Variants in PDCL2 observed in about 807,000 individuals in gnomAD.
The protein encoded by PDCL2 is phosducin like 2.
A neutral mutation model predicts 30.3 loss-of-function variants in PDCL2; 23 were observed. The observed-to-expected ratio is 0.76, with a 90% CI of 0.55 to 1.08. The LOEUF (loss-of-function observed/expected upper bound fraction) is 1.08, where lower values mean the gene tolerates loss of function less well. PDCL2 is among the 50% of genes least tolerant of loss of function. The probability of loss-of-function intolerance (pLI) is 0.00; values close to 1 mark genes in which losing one functional copy is unlikely to be tolerated. For synonymous variants in PDCL2, 68 were observed against 86.2 expected (o/e 0.79, Z 1.17); for missense variants, 243 against 282.3 (o/e 0.86, Z 1.00).
intron 3 of PDCL2, among the ~76,000 whole-genome samples, chr4:55,574,412 T>C (rs1341052031): frequency 6.6e-6 from 1 of 152,172 alleles, no homozygotes; most frequent in African/African-American, 2.4e-5. Flanking sequence ...GAAAGTGATA[T>C]ATACATTTCA....
intron 4 of PDCL2, among the ~76,000 whole-genome samples, chr4:55,568,635 CAT>C (rs1732330974): frequency 1.3e-5 from 2 of 152,022 alleles, no homozygotes; most frequent in African/African-American, 4.8e-5. Context: ...TGAAGGGATT[CAT>C]AGTATACCAC....
chr4:55,577,294 A>G (rs12510400), intron 3 of PDCL2, among the ~76,000 whole-genome samples: 45,816 of 152,072 alleles, frequency 0.3, 7,524 homozygotes, highest in East Asian at 0.58. Context: ...ATGCCATCAC[A>G]TTGGGAGGGG....
chr4:55,556,547 A>T lies in PDCL2; in HGVS notation c.*10T>A. 1 of 1,516,360 alleles carries T rather than the reference A, an allele frequency of 6.6e-7. No individual in the cohort carries two copies. Among genetic ancestry groups the T allele is most frequent in the Non-Finnish European group, 8.9e-7 (1 of 1,123,506 alleles). 93.9% of individuals were successfully genotyped at this position (1,516,360 alleles called of 1,614,324 possible). A position where few individuals can be genotyped will look rare whatever the true frequency, so the allele number is the denominator to read the frequency against. On this transcript the variant is annotated 3_prime_UTR_variant, in exon 6 of 6. Coordinates refer to ENST00000295645, the MANE Select transcript of PDCL2 (RefSeq NM_152401.3). ...ACATATACTAAAAGCTATTTATTGA[A>T]TATTTCTCTCTATTTGGTATCATTA...
At chr4:55,590,521 C>T (rs1316294259) in intron 1 of PDCL2, among the ~76,000 whole-genome samples, 3 of 151,074 alleles carry the variant, frequency 2.0e-5, no homozygotes, top group African/African-American at 7.3e-5. Context: ...GAATCTTGCT[C>T]TGTCACCCAG....
intron 5 of PDCL2, among the ~76,000 whole-genome samples, chr4:55,560,215 A>C (rs1179717647): frequency 1.3e-5 from 2 of 151,868 alleles, no homozygotes; most frequent in Non-Finnish European, 2.9e-5. Flanking sequence ...ATACACACTA[A>C]ATTCGTGATA....
chr4:55,556,669 T>A lies in PDCL2; in HGVS notation c.614A>T (p.Asp205Val). Residue 205 changes from aspartate (D) to valine (V), a missense_variant, in exon 6 of 6, where the codon GAT becomes GTT. Asp to Val is a radical substitution (Grantham distance 152). Coordinates refer to ENST00000295645, the MANE Select transcript of PDCL2 (RefSeq NM_152401.3). Reference protein sequence around the residue: ...KLAEVGAIQTDLEENPRKDMV... With the variant: ...KLAEVGAIQTVLEENPRKDMV... ...GTCTTTTCTGGGGTTTTCTTCCAAA[T>A]CAGTCTGTATTGCTCCAACTTCTGC... The A allele has an allele frequency of 6.4e-7, 1 of 1,569,580 alleles. No individual in the cohort carries two copies. Among genetic ancestry groups the A allele is most frequent in the South Asian group, 1.2e-5 (1 of 85,420 alleles).
intron 1 of PDCL2, among the ~76,000 whole-genome samples, chr4:55,584,413 C>T (rs752039658): frequency 1.1e-4 from 16 of 151,974 alleles, no homozygotes; most frequent in East Asian, 1.9e-4. Flanking sequence ...CCTACCACCT[C>T]GCCCGGCTAA....
chr4:55,580,775 A>G (rs559149556), intron 3 of PDCL2, 46 bp downstream of exon 3: 5 of 1,355,366 alleles, frequency 3.7e-6, no homozygotes, highest in Middle Eastern at 1.9e-4. Flanking sequence ...TATTCTTATT[A>G]TACTTCATTC....
chr4:55,567,159 A>G (rs1201267907), intron 4 of PDCL2, among the ~76,000 whole-genome samples: 1 of 152,224 alleles, frequency 6.6e-6, no homozygotes, highest in Non-Finnish European at 1.5e-5. Flanking sequence ...TATAGGTAAT[A>G]TGGAAGTGTG....
intron 3 of PDCL2, among the ~76,000 whole-genome samples, chr4:55,570,350 TCA>T (rs1357919273): frequency 2.0e-5 from 3 of 152,204 alleles, no homozygotes; most frequent in African/African-American, 7.2e-5. Context: ...AAGATGATCT[TCA>T]CTTCGAAGAC....
At chr4:55,578,450 G>C (rs765103072) in intron 3 of PDCL2, among the ~76,000 whole-genome samples, 76 of 152,234 alleles carry the variant, frequency 5.0e-4, no homozygotes, top group Non-Finnish European at 1.0e-3. Context: ...GTTTTCACTT[G>C]GAAACTACAA....
At chr4:55,558,935 CTT>C (rs1270260698) in intron 5 of PDCL2, among the ~76,000 whole-genome samples, 2 of 152,062 alleles carry the variant, frequency 1.3e-5, no homozygotes, top group African/African-American at 4.8e-5. Flanking sequence ...CACACGCACT[CTT>C]ATAAATCAAT....
chr4:55,592,177 CCG>C lies in PDCL2; in HGVS notation c.-70_-69del, dbSNP rs1733022545. The C allele has an allele frequency of 5.0e-6, 8 of 1,586,682 alleles. No homozygotes were observed. The highest frequency in any genetic ancestry group is 6.9e-6 in the Non-Finnish European group (8 of 1,166,958). On this transcript the variant is annotated 5_prime_UTR_variant, in exon 1 of 6. Transcript: ENST00000295645. ...CTGGCGAGGCGCCACGGATGGAGAC[CCG>C]CAGCCTTCTCCAGGCTGGAAGAGCG...
chr4:55,561,673 A>C (rs1732140524), intron 5 of PDCL2, among the ~76,000 whole-genome samples: 1 of 152,216 alleles, frequency 6.6e-6, no homozygotes, highest in South Asian at 2.1e-4. Context: ...AATCGAGTTA[A>C]AGCAGTGCCA....
At chr4:55,562,044 A>T (rs1038865487) in intron 5 of PDCL2, among the ~76,000 whole-genome samples, 1 of 138,052 alleles carries the variant, frequency 7.2e-6, no homozygotes, top group East Asian at 2.2e-4. Flanking sequence ...ACAAGCAGAG[A>T]ATGTGTAAAA....
intron 1 of PDCL2, 57 bp from the exon 2 acceptor site, chr4:55,582,294 T>C: frequency 6.7e-7 from 1 of 1,490,528 alleles, no homozygotes; most frequent in Middle Eastern, 1.8e-4. Context: ...AATATGTATT[T>C]GGAAAATTCA....
Position 55,583,359 on chromosome 4 carries a change from T to C in PDCL2, c.7-1122A>G, listed in dbSNP as rs1732776868. Among the ~76,000 whole-genome samples the C allele has an allele frequency of 2.0e-5, 3 of 152,386 alleles. No individual in the cohort carries two copies. The South Asian group carries it at 6.2e-4, about 32-fold the overall frequency. On this transcript the variant is annotated intron_variant, in intron 1 of 5. Coordinates refer to ENST00000295645, the MANE Select transcript of PDCL2 (RefSeq NM_152401.3). ...TGCTTGTAAATAGTTTTTCCCAATA[T>C]ATAGATTGTCTCTTCACTTTGTTAA...
chr4:55,564,001 C>G (rs1240897023), intron 4 of PDCL2, among the ~76,000 whole-genome samples: 4 of 152,242 alleles, frequency 2.6e-5, no homozygotes, highest in Non-Finnish European at 5.9e-5. Context: ...ATTTTCTCTA[C>G]AGTTGCAAAT....
intron 3 of PDCL2, among the ~76,000 whole-genome samples, chr4:55,572,859 A>C (rs1393913767): frequency 6.6e-6 from 1 of 152,052 alleles, no homozygotes; most frequent in Non-Finnish European, 1.5e-5. Flanking sequence ...TCCCGGGTTC[A>C]CGCCATTCTC....
Sources: allele counts gnomAD v4.1 joint callset (sites outside exome capture counted in the v4.1 genomes callset), GRCh38; gene constraint gnomAD v4.1.1; transcripts MANE v1.5; gene names NCBI Gene and HGNC (gene_info 2026-07-23, HGNC 2026-07-21).